Variants in MPP7 observed in about 807,000 individuals in gnomAD.
MPP7 encodes MAGUK p55 scaffold protein 7.
Under a neutral mutation model 76.5 loss-of-function variants are expected in MPP7, and 60 were observed. The observed-to-expected ratio is 0.78, with a 90% CI of 0.64 to 0.97. MPP7 has a LOEUF of 0.97. Ranked by LOEUF, MPP7 falls within the 50% of genes least tolerant of loss-of-function variation. The pLI, the probability that MPP7 is intolerant of heterozygous loss-of-function variation, is 0.00. For missense variants in MPP7, 641 were observed against 694.0 expected, an observed-to-expected ratio of 0.92 and a Z score of 0.86; for synonymous variants, 237 against 244.5, an observed-to-expected ratio of 0.97 and a Z score of 0.29.
chr10:28,161,380 C>T (rs1005710809), intron 3 of MPP7, among the ~76,000 whole-genome samples: 13 of 141,088 alleles, frequency 9.2e-5, no homozygotes, highest in African/African-American at 2.6e-5. Flanking sequence ...TAATACACTG[C>T]TTCCATTCCC....
At chr10:28,214,852 A>C (rs1231731058) in intron 2 of MPP7, among the ~76,000 whole-genome samples, 1 of 152,170 alleles carries the variant, frequency 6.6e-6, no homozygotes, top group Admixed American at 6.5e-5. Flanking sequence ...ACAAGATTAG[A>C]AAGTACAGTG....
At chr10:28,082,672 T>C (rs1852819373) in intron 12 of MPP7, among the ~76,000 whole-genome samples, 1 of 152,086 alleles carries the variant, frequency 6.6e-6, no homozygotes, top group Non-Finnish European at 1.5e-5. Flanking sequence ...TCTCACTATG[T>C]TGCCCAGACT....
chr10:28,124,751 G>A (rs1204065464), intron 7 of MPP7, among the ~76,000 whole-genome samples: 1 of 151,822 alleles, frequency 6.6e-6, no homozygotes, highest in African/African-American at 2.4e-5. Flanking sequence ...CAAAAGTGCT[G>A]GGATTACAGG....
At chr10:28,265,307 C>T (rs1324388482) in intron 1 of MPP7, among the ~76,000 whole-genome samples, 1 of 152,106 alleles carries the variant, frequency 6.6e-6, no homozygotes, top group Non-Finnish European at 1.5e-5. Context: ...GCTTGTAATC[C>T]CAACACTTTG....
Position 28,134,800 on chromosome 10 carries a change from T to C in MPP7, c.316-3109A>G, listed in dbSNP as rs183711189. Among the ~76,000 whole-genome samples, 27 of 145,580 alleles carry C rather than the reference T, an allele frequency of 1.9e-4. No homozygotes were observed. In the South Asian group the frequency reaches 5.6e-3, roughly 30 times the overall value. ...TAAAAGTACTCAGAGCAAAAAAAGA[T>C]AGATCATGAGAAAGGAAAGAAGAAA... On this transcript the variant is annotated intron_variant, in intron 5 of 16. Transcript: ENST00000683449.
intron 5 of MPP7, among the ~76,000 whole-genome samples, chr10:28,138,668 G>A (rs115353680): frequency 1.3e-5 from 2 of 152,140 alleles, no homozygotes; most frequent in South Asian, 2.1e-4. Flanking sequence ...AGGGCAACAG[G>A]TTATACAAGA....
intron 3 of MPP7, among the ~76,000 whole-genome samples, chr10:28,184,901 C>G (rs1837181182): frequency 6.9e-6 from 1 of 145,180 alleles, no homozygotes; most frequent in East Asian, 2.0e-4. Flanking sequence ...AAAATAAGTT[C>G]TTTCAAATTA....
chr10:28,166,986 C>T (rs1489471690), intron 3 of MPP7, among the ~76,000 whole-genome samples: 3 of 152,152 alleles, frequency 2.0e-5, no homozygotes, highest in Middle Eastern at 6.8e-3. Flanking sequence ...AATAGATATC[C>T]CAATTGATAT....
chr10:28,312,673 T>A (rs1002590014), intron 2 of MPP7, among the ~76,000 whole-genome samples: 3 of 152,124 alleles, frequency 2.0e-5, no homozygotes, highest in African/African-American at 7.2e-5. Flanking sequence ...ATGGAAACGT[T>A]GAGAAAAAAA....
chr10:28,147,407 C>G (rs1395828420), intron 5 of MPP7, 76 bp downstream of exon 5: 9 of 1,174,910 alleles, frequency 7.7e-6, no homozygotes, highest in Non-Finnish European at 1.2e-5. Flanking sequence ...AATTGATGCT[C>G]GAAACAAAAT....
intron 4 of MPP7, among the ~76,000 whole-genome samples, chr10:28,148,962 C>T (rs1327236094): frequency 6.6e-6 from 1 of 152,110 alleles, no homozygotes; most frequent in African/African-American, 2.4e-5. Flanking sequence ...AATTTTGCTT[C>T]AATAATGCAG....
At chr10:28,155,764 AACTT>A (rs1489673278) in intron 3 of MPP7, among the ~76,000 whole-genome samples, 21 of 151,790 alleles carry the variant, frequency 1.4e-4, no homozygotes, top group African/African-American at 4.9e-4. Context: ...AGTGGTCAGA[AACTT>A]AAAAAAAAAA....
At position 28,310,020 on chromosome 10, in the gene MPP7, T is replaced by TTA. The variant is rs57172078; in HGVS notation, c.-132+19908_-132+19909insTA. On this transcript the variant is annotated intron_variant, in intron 2 of 11. Transcript: ENST00000441595. ...ATTAAACCTTTTTTTTTTTTTTTTT[T>TTA]AAACGGAGTCTTGCTCTGTCACCCA... 1.1e-4 allele frequency among the ~76,000 whole-genome samples: 16 copies of TTA among 144,178 alleles called. 1 individual carries two copies. Among genetic ancestry groups the TTA allele is most frequent in the East Asian group, 4.1e-4 (2 of 4,864 alleles). The allele number at this position is 144,178 out of a possible 152,430, so 94.6% of individuals were successfully genotyped here.
At chr10:28,130,515 C>T (rs1043347621) in intron 6 of MPP7, among the ~76,000 whole-genome samples, 1 of 152,190 alleles carries the variant, frequency 6.6e-6, no homozygotes, top group Admixed American at 6.5e-5. Context: ...GAATCACTTG[C>T]CAAGCATTTC....
intron 5 of MPP7, among the ~76,000 whole-genome samples, chr10:28,138,382 AT>A (rs1835413292): frequency 2.0e-5 from 3 of 152,140 alleles, no homozygotes; most frequent in African/African-American, 4.8e-5. Flanking sequence ...GATTTTGCCT[AT>A]TTCATCACTG....
intron 3 of MPP7, among the ~76,000 whole-genome samples, chr10:28,177,187 C>T (rs1326417031): frequency 6.8e-6 from 1 of 146,250 alleles, no homozygotes; most frequent in African/African-American, 2.6e-5. Flanking sequence ...GGAGGCCAAG[C>T]AGGCAGATCA....
intron 10 of MPP7, 126 bp from the exon 11 acceptor site, chr10:28,119,841 G>T: frequency 1.5e-6 from 1 of 682,334 alleles, no homozygotes; most frequent in Non-Finnish European, 2.4e-6. Flanking sequence ...TAATGCAATA[G>T]ATTCAAATTA....
intron 3 of MPP7, among the ~76,000 whole-genome samples, chr10:28,182,223 G>T (rs971898079): frequency 2.0e-5 from 3 of 152,074 alleles, no homozygotes; most frequent in African/African-American, 7.2e-5. Context: ...AAACTGGAAT[G>T]ACTCAAACAT....
intron 4 of MPP7, among the ~76,000 whole-genome samples, chr10:28,148,121 C>T (rs1835768340): frequency 6.6e-6 from 1 of 152,140 alleles, no homozygotes; most frequent in Admixed American, 6.6e-5. Flanking sequence ...CTGTTAAATA[C>T]CAACCAATCA....
Sources: gnomAD v4.1 joint callset for allele counts (sites outside exome capture counted in the v4.1 genomes callset) on GRCh38, gnomAD v4.1.1 for gene constraint, MANE v1.5 for transcripts, NCBI Gene and HGNC (gene_info 2026-07-23, HGNC 2026-07-21) for gene names.